LHFPL3: variants seen among roughly 807,000 people sequenced by gnomAD.
The protein encoded by LHFPL3 is LHFPL tetraspan subfamily member 3 protein.
In LHFPL3, 5 loss-of-function variants were observed where a neutral mutation model predicts 19.3. The observed-to-expected ratio is 0.26, with a 90% CI of 0.14 to 0.54. The LOEUF (loss-of-function observed/expected upper bound fraction) is 0.54, where lower values mean the gene tolerates loss of function less well. LHFPL3 is among the 20% of genes least tolerant of loss of function. LHFPL3 has a pLI of 0.94. For synonymous variants in LHFPL3, 133 were observed against 126.2 expected (o/e 1.05, Z -0.36); for missense variants, 249 against 307.4 (o/e 0.81, Z 1.42).
At chr7:104,430,425 T>TATATATAC (rs1791962557) in intron 1 of LHFPL3, among the ~76,000 whole-genome samples, 1 of 12,274 alleles carries the variant, frequency 8.1e-5, no homozygotes, top group African/African-American at 2.6e-4. Flanking sequence ...TATACATATA[T>TATATATAC]ATATATATAT....
At chr7:104,466,619 A>G (rs1038595472) in intron 1 of LHFPL3, among the ~76,000 whole-genome samples, 3 of 152,188 alleles carry the variant, frequency 2.0e-5, no homozygotes, top group Admixed American at 1.3e-4. Context: ...TCCTCTGCCA[A>G]TGTTTCTATC....
chr7:104,506,479 A>T (rs551001579), intron 1 of LHFPL3, among the ~76,000 whole-genome samples: 10 of 152,290 alleles, frequency 6.6e-5, no homozygotes, highest in African/African-American at 2.4e-4. Flanking sequence ...TGTCTCTGCC[A>T]CTAGATTGTG....
chr7:104,649,674 G>C (rs747888332), intron 1 of LHFPL3, among the ~76,000 whole-genome samples: 1 of 152,168 alleles, frequency 6.6e-6, no homozygotes, highest in African/African-American at 2.4e-5. Flanking sequence ...ACTGTTAAAG[G>C]CATCTAAATT....
At chr7:104,423,489 C>A (rs1791774782) in intron 1 of LHFPL3, among the ~76,000 whole-genome samples, 1 of 152,104 alleles carries the variant, frequency 6.6e-6, no homozygotes, top group Non-Finnish European at 1.5e-5. Context: ...TGGTGCATGC[C>A]TACCGTCCCA....
chr7:104,790,694 G>C (rs1441660681), intron 2 of LHFPL3, among the ~76,000 whole-genome samples: 1 of 152,152 alleles, frequency 6.6e-6, no homozygotes, highest in African/African-American at 2.4e-5. Context: ...TGTTAAGCAG[G>C]AAAGATGGAC....
At chr7:104,814,763 G>T (rs1284210377) in intron 2 of LHFPL3, among the ~76,000 whole-genome samples, 2 of 152,246 alleles carry the variant, frequency 1.3e-5, no homozygotes, top group Non-Finnish European at 2.9e-5. Flanking sequence ...ATGCAGCAGG[G>T]TGCTGGCGTG....
At chr7:104,511,942 T>C (rs1188725334) in intron 1 of LHFPL3, among the ~76,000 whole-genome samples, 1 of 141,456 alleles carries the variant, frequency 7.1e-6, no homozygotes, top group East Asian at 2.0e-4. Flanking sequence ...TTCTTTCCTT[T>C]TCTTTTTTTT....
At position 104,546,040 on chromosome 7, in the gene LHFPL3, CA is replaced by C. The variant is rs72219743; in HGVS notation, c.446-190627del. On this transcript the variant is annotated intron_variant, in intron 1 of 2. Coordinates refer to ENST00000424859, the MANE Select transcript of LHFPL3 (RefSeq NM_199000.3). The stretch of plus-strand genomic sequence containing the variant: ...TAAAGATCTTACAAATAATAGTTGC[CA>C]AAAAAAATGGAGGAAATTCTGGCCT... Among the ~76,000 whole-genome samples the C allele has an allele frequency of 2.7e-3, 404 of 151,676 alleles. 1 individual carries two copies. Among genetic ancestry groups the C allele is most frequent in the African/African-American group, 9.2e-3 (381 of 41,394 alleles).
chr7:104,620,698 G>T (rs1646781262), intron 1 of LHFPL3, among the ~76,000 whole-genome samples: 1 of 152,122 alleles, frequency 6.6e-6, no homozygotes, highest in South Asian at 2.1e-4. Context: ...GGTACATAAT[G>T]GCCCGGAACT....
intron 1 of LHFPL3, among the ~76,000 whole-genome samples, chr7:104,708,687 TCTGA>T (rs1187180539): frequency 6.6e-6 from 1 of 152,152 alleles, no homozygotes; most frequent in African/African-American, 2.4e-5. Flanking sequence ...TCTTTACTTC[TCTGA>T]CTGTCAGTCC....
chr7:104,783,823 G>A (rs1789859558), intron 2 of LHFPL3, among the ~76,000 whole-genome samples: 1 of 152,150 alleles, frequency 6.6e-6, no homozygotes, highest in South Asian at 2.1e-4. Context: ...ATGTTTACTG[G>A]AGTTTCTAAA....
chr7:104,498,278 A>G (rs982735822), intron 1 of LHFPL3, among the ~76,000 whole-genome samples: 2 of 152,188 alleles, frequency 1.3e-5, no homozygotes, highest in Non-Finnish European at 2.9e-5. Flanking sequence ...CATGACTGGA[A>G]GAAATTTCCC....
At chr7:104,498,470 C>G (rs1158380981) in intron 1 of LHFPL3, among the ~76,000 whole-genome samples, 1 of 150,818 alleles carries the variant, frequency 6.6e-6, no homozygotes, top group Non-Finnish European at 1.5e-5. Flanking sequence ...TTCACATATA[C>G]TTTACCTGCT....
intron 1 of LHFPL3, among the ~76,000 whole-genome samples, chr7:104,332,077 A>G (rs1801576372): frequency 6.6e-6 from 1 of 152,136 alleles, no homozygotes; most frequent in Admixed American, 6.6e-5. Flanking sequence ...AATATGAAAG[A>G]TGAGACCTTA....
chr7:104,596,460 G>T (rs10255158), intron 1 of LHFPL3, among the ~76,000 whole-genome samples: 28,428 of 152,178 alleles, frequency 0.19, 2,870 homozygotes, highest in East Asian at 0.38. Flanking sequence ...ATGGTTACAA[G>T]TCTAAGTGGT....
intron 1 of LHFPL3, among the ~76,000 whole-genome samples, chr7:104,720,549 A>G (rs1324452303): frequency 6.6e-6 from 1 of 152,234 alleles, no homozygotes; most frequent in Non-Finnish European, 1.5e-5. Flanking sequence ...ATGGGATCTA[A>G]TTAAACTAAA....
chr7:104,600,186 G>A (rs1051881642), intron 1 of LHFPL3, among the ~76,000 whole-genome samples: 2 of 152,216 alleles, frequency 1.3e-5, no homozygotes, highest in Non-Finnish European at 2.9e-5. Context: ...GAAGATATGT[G>A]AACTCATAGT....
At chr7:104,608,978 T>C (rs1011792446) in intron 1 of LHFPL3, among the ~76,000 whole-genome samples, 2 of 152,090 alleles carry the variant, frequency 1.3e-5, no homozygotes, top group Non-Finnish European at 1.5e-5. Flanking sequence ...CAGTAAATGT[T>C]AGCCACGGCC....
chr7:104,623,265 T>C (rs374970530), intron 1 of LHFPL3, among the ~76,000 whole-genome samples: 12 of 152,186 alleles, frequency 7.9e-5, no homozygotes, highest in Middle Eastern at 3.4e-3. Flanking sequence ...TCTTTCAATC[T>C]GGGCTATGTA....
Sources: allele counts gnomAD v4.1 joint callset (sites outside exome capture counted in the v4.1 genomes callset), GRCh38; gene constraint gnomAD v4.1.1; transcripts MANE v1.5; gene names NCBI Gene and HGNC (gene_info 2026-07-23, HGNC 2026-07-21).